AGPAT5: variants seen among roughly 807,000 people sequenced by gnomAD.
The protein encoded by AGPAT5 is 1-acyl-sn-glycerol-3-phosphate acyltransferase epsilon.
In AGPAT5, 46 loss-of-function variants were observed where a neutral mutation model predicts 45.6. That is an observed-to-expected ratio of 1.01 (90% CI 0.80 to 1.29). The LOEUF is 1.29. AGPAT5 is among the 50% of genes most tolerant of loss of function. AGPAT5 has a pLI of 0.00. For synonymous variants in AGPAT5, 272 were observed against 167.0 expected, an observed-to-expected ratio of 1.63 and a Z score of -4.85; for missense variants, 673 against 450.7, an observed-to-expected ratio of 1.49 and a Z score of -4.47.
intron 2 of AGPAT5, among the ~76,000 whole-genome samples, chr8:6,730,325 T>TAGTACAACC (rs1800820370): frequency 4.8e-4 from 4 of 8,278 alleles, no homozygotes; most frequent in Admixed American, 1.8e-3. Flanking sequence ...GGACTTTTTT[T>TAGTACAACC]TTTTTTTTTT....
At chr8:6,735,703 G>C (rs1801027719) in intron 4 of AGPAT5, among the ~76,000 whole-genome samples, 2 of 152,064 alleles carry the variant, frequency 1.3e-5, no homozygotes, top group Non-Finnish European at 2.9e-5. Flanking sequence ...TTGTTGTAGG[G>C]TTGGCAGTAG....
intron 1 of AGPAT5, among the ~76,000 whole-genome samples, chr8:6,716,288 G>A (rs545346560): frequency 3.9e-4 from 59 of 152,284 alleles, no homozygotes; most frequent in African/African-American, 1.4e-3. Context: ...TGGGCACGGT[G>A]TGGCTCATGC....
In AGPAT5 at chr8:6,757,417, G is replaced by A. The variant is rs373806987; in HGVS notation, c.*29G>A. ...AGTAGCTGTCTCCAGACAGTGGGAT[G>A]TGCTACATTGTCTATTTTTGGCGGC... On this transcript the variant is annotated 3_prime_UTR_variant, in exon 8 of 8. Coordinates refer to ENST00000285518, the MANE Select transcript of AGPAT5 (RefSeq NM_018361.5). 4 of 1,566,976 alleles carry A rather than the reference G, an allele frequency of 2.6e-6. No individual in the cohort carries two copies. The highest frequency in any genetic ancestry group is 2.2e-5 in the East Asian group (1 of 44,560).
chr8:6,745,751 A>G (rs1490170175), intron 5 of AGPAT5: 2 of 135,984 alleles, frequency 1.5e-5, no homozygotes, highest in South Asian at 4.6e-4. Context: ...CGGAGTCTGT[A>G]TTTCTTGCCT....
At chr8:6,720,894 A>G (rs193272240) in intron 1 of AGPAT5, among the ~76,000 whole-genome samples, 180 of 152,290 alleles carry the variant, frequency 1.2e-3, no homozygotes, top group Non-Finnish European at 2.1e-3. Flanking sequence ...CAGTTTATTC[A>G]CTAGACATGG....
intron 2 of AGPAT5, among the ~76,000 whole-genome samples, chr8:6,728,438 A>T (rs1359131646): frequency 6.6e-6 from 1 of 152,240 alleles, no homozygotes; most frequent in East Asian, 1.9e-4. Flanking sequence ...TTGACTAGTT[A>T]AGCTAGTTCT....
At chr8:6,742,606 G>A (rs1280274139) in intron 5 of AGPAT5, among the ~76,000 whole-genome samples, 1 of 152,186 alleles carries the variant, frequency 6.6e-6, no homozygotes, top group African/African-American at 2.4e-5. Flanking sequence ...TCTGTCCAGT[G>A]TGCTGGCTCC....
rs562098676 is a variant in AGPAT5 at position 6,730,118 on chromosome 8, C to G, written c.290-593C>G. Among the ~76,000 whole-genome samples the G allele has an allele frequency of 9.0e-4, 137 of 151,562 alleles. 1 individual carries two copies. The highest frequency in any genetic ancestry group is 3.2e-3 in the African/African-American group (132 of 41,300). Reference sequence around the variant, plus strand: ...CATTAAAAAAACTTTGTTTTCTAGACTTTAGGATTTAGAGAAGCTCATTTT... The same window carrying G: ...CATTAAAAAAACTTTGTTTTCTAGAGTTTAGGATTTAGAGAAGCTCATTTT... On this transcript the variant is annotated intron_variant, in intron 2 of 7. Coordinates refer to ENST00000285518, the MANE Select transcript of AGPAT5 (RefSeq NM_018361.5).
intron 5 of AGPAT5, 38 bp from the exon 6 acceptor site, chr8:6,747,632 T>C (rs776822195): frequency 1.3e-6 from 2 of 1,583,224 alleles, no homozygotes; most frequent in Non-Finnish European, 1.7e-6. Flanking sequence ...TGGAGGTGTT[T>C]TGTAACTAAT....
At chr8:6,748,036 C>T (rs1801534659) in intron 6 of AGPAT5, among the ~76,000 whole-genome samples, 1 of 152,066 alleles carries the variant, frequency 6.6e-6, no homozygotes, top group Non-Finnish European at 1.5e-5. Flanking sequence ...CGTGTGAGTC[C>T]TGTGGACTCA....
Position 6,757,259 on chromosome 8 carries a change from A to G in AGPAT5, c.966A>G (p.Leu322=). The G allele has an allele frequency of 1.2e-6, 2 of 1,614,194 alleles. No homozygotes were observed. Among genetic ancestry groups the G allele is most frequent in the East Asian group, 4.5e-5 (2 of 44,884 alleles). Residue 322 remains leucine (L), a synonymous_variant, in exon 8 of 8, where the codon TTA becomes TTG. Coordinates refer to ENST00000285518, the MANE Select transcript of AGPAT5 (RefSeq NM_018361.5). ...VNSKLSIKKT[L]PSMLILSGLT... ...CCAAATTAAGTATCAAGAAGACTTT[A>G]CCATCAATGTTGATCTTAAGTGGTT...
intron 1 of AGPAT5, among the ~76,000 whole-genome samples, chr8:6,722,144 TA>T (rs1187374499): frequency 2.0e-5 from 3 of 152,208 alleles, no homozygotes; most frequent in African/African-American, 7.2e-5. Context: ...TATGCAGGTT[TA>T]TTTTGCCAGT....
chr8:6,719,704 C>T (rs1800441025), intron 1 of AGPAT5, among the ~76,000 whole-genome samples: 1 of 152,154 alleles, frequency 6.6e-6, no homozygotes, highest in Admixed American at 6.5e-5. Flanking sequence ...ACTGTTGGAA[C>T]CAAATTCATT....
intron 6 of AGPAT5, among the ~76,000 whole-genome samples, chr8:6,748,829 C>A (rs1210929981): frequency 6.6e-6 from 1 of 152,120 alleles, no homozygotes; most frequent in Non-Finnish European, 1.5e-5. Context: ...TGTCAGTGTG[C>A]TTGTATCAGT....
chr8:6,749,075 A>G (rs1238586840), intron 6 of AGPAT5, among the ~76,000 whole-genome samples: 2 of 152,258 alleles, frequency 1.3e-5, no homozygotes, highest in Non-Finnish European at 2.9e-5. Context: ...AGTACTGTGC[A>G]CCGTTACATT....
intron 6 of AGPAT5, among the ~76,000 whole-genome samples, chr8:6,748,233 A>G (rs909885219): frequency 6.6e-6 from 1 of 152,220 alleles, no homozygotes; most frequent in African/African-American, 2.4e-5. Flanking sequence ...TTGTGACAAG[A>G]AGAAATGCAG....
intron 6 of AGPAT5, among the ~76,000 whole-genome samples, chr8:6,748,414 A>G (rs1362682523): frequency 6.6e-6 from 1 of 152,264 alleles, no homozygotes; most frequent in Non-Finnish European, 1.5e-5. Flanking sequence ...ATAGGCAAAC[A>G]GGGAAGTGTG....
intron 1 of AGPAT5, 127 bp downstream of exon 1, chr8:6,709,014 G>T (rs1433578869): frequency 6.7e-6 from 6 of 893,648 alleles, no homozygotes; most frequent in Middle Eastern, 2.1e-4. Flanking sequence ...GAGAGCACGT[G>T]CCGCCTCCCC....
intron 7 of AGPAT5, among the ~76,000 whole-genome samples, chr8:6,755,601 A>G (rs1336995116): frequency 2.1e-4 from 32 of 152,296 alleles, no homozygotes; most frequent in East Asian, 5.8e-4. Context: ...GGTGGACATG[A>G]TGCTGTTATA....
Sources: allele counts gnomAD v4.1 joint callset (sites outside exome capture counted in the v4.1 genomes callset), GRCh38; gene constraint gnomAD v4.1.1; transcripts MANE v1.5; gene names NCBI Gene and HGNC (gene_info 2026-07-23, HGNC 2026-07-21).